The following MORC4 variants were observed in gnomAD, a reference collection of about 807,000 sequenced individuals.
The protein encoded by MORC4 is MORC family CW-type zinc finger 4.
In MORC4, 22 loss-of-function variants were observed where a neutral mutation model predicts 65.5. The observed-to-expected ratio is 0.34, with a 90% CI of 0.24 to 0.48. The LOEUF (loss-of-function observed/expected upper bound fraction) is 0.48, where lower values mean the gene tolerates loss of function less well. MORC4 is among the 20% of genes least tolerant of loss of function. The pLI, the probability that MORC4 is intolerant of heterozygous loss-of-function variation, is 0.99. For missense variants in MORC4, 624 were observed against 703.0 expected (o/e 0.89, Z 1.27); for synonymous variants, 267 against 255.8 (o/e 1.04, Z -0.42).
chrX:106,951,832 C>T (rs1198680424), intron 14 of MORC4, among the ~76,000 whole-genome samples: 2 of 108,500 alleles, frequency 1.8e-5, no homozygotes, highest in Non-Finnish European at 3.8e-5. Flanking sequence ...CCTGTCTCTA[C>T]TAAAAATACA....
intron 14 of MORC4, among the ~76,000 whole-genome samples, chrX:106,954,560 G>T (rs1455122879): frequency 8.9e-6 from 1 of 112,026 alleles, no homozygotes; most frequent in African/African-American, 3.2e-5. Flanking sequence ...CTGAAGAAAA[G>T]GAACAATGCT....
intron 10 of MORC4, among the ~76,000 whole-genome samples, chrX:106,961,620 C>T (rs1200425992): frequency 9.0e-6 from 1 of 111,402 alleles, no homozygotes; most frequent in African/African-American, 3.3e-5. Context: ...GTAAAACGCA[C>T]CTATCAGCAG....
At chrX:106,942,304 C>T in intron 15 of MORC4, 83 bp from the exon 16 acceptor site, 2 of 1,064,201 alleles carry the variant, frequency 1.9e-6, no homozygotes, top group South Asian at 2.2e-5. Context: ...CCTGTGATTC[C>T]ACTATACATA....
At chrX:106,995,182 C>T (rs746210082) in intron 2 of MORC4, among the ~76,000 whole-genome samples, 5 of 109,741 alleles carry the variant, frequency 4.6e-5, no homozygotes, top group African/African-American at 6.6e-5. Context: ...ACTACTATTC[C>T]ACTCTCTACT....
intron 14 of MORC4, among the ~76,000 whole-genome samples, chrX:106,946,823 G>C (rs1043889437): frequency 1.8e-5 from 2 of 111,374 alleles, no homozygotes; most frequent in South Asian, 3.8e-4. Context: ...TGTATTTTCT[G>C]TAGAGACAGG....
intron 9 of MORC4, among the ~76,000 whole-genome samples, chrX:106,967,922 C>A (rs1419458697): frequency 5.4e-5 from 6 of 111,774 alleles, no homozygotes; most frequent in Non-Finnish European, 9.4e-5. Context: ...ACTTCCCCAA[C>A]CTAGAAAGAC....
At chrX:106,989,797 G>A (rs1934942085) in intron 3 of MORC4, among the ~76,000 whole-genome samples, 2 of 105,757 alleles carry the variant, frequency 1.9e-5, no homozygotes, top group African/African-American at 6.9e-5. Flanking sequence ...AATCCGGGAG[G>A]CGGAGGTTGC....
intron 9 of MORC4, among the ~76,000 whole-genome samples, chrX:106,967,532 A>G (rs1252828292): frequency 1.8e-5 from 2 of 111,948 alleles, no homozygotes; most frequent in Non-Finnish European, 3.8e-5. Context: ...GCTAAAGGAA[A>G]TGTTCTGACC....
intron 9 of MORC4, among the ~76,000 whole-genome samples, chrX:106,967,713 A>T (rs1010402803): frequency 8.9e-6 from 1 of 112,109 alleles, no homozygotes; most frequent in African/African-American, 3.2e-5. Context: ...AAGAAAGGAA[A>T]TCAGTGATTG....
chrX:106,995,495 T>A (rs78385727), intron 2 of MORC4, among the ~76,000 whole-genome samples: 1 of 112,241 alleles, frequency 8.9e-6, no homozygotes, highest in Admixed American at 9.5e-5. Flanking sequence ...ACATTCCACA[T>A]AGTTTGCCTT....
chrX:106,959,543 T>C (rs1364334966), intron 10 of MORC4, among the ~76,000 whole-genome samples: 3 of 112,087 alleles, frequency 2.7e-5, no homozygotes, highest in African/African-American at 9.7e-5. Flanking sequence ...TTGTTGTTGT[T>C]GTTTTTTCCT....
At chrX:106,972,158 T>C (rs765736824) in intron 9 of MORC4, among the ~76,000 whole-genome samples, 2 of 111,884 alleles carry the variant, frequency 1.8e-5, no homozygotes, top group African/African-American at 6.5e-5. Flanking sequence ...TGAGTTCATG[T>C]CCTTTGCAGG....
chrX:106,952,975 T>G (rs988502361), intron 14 of MORC4, among the ~76,000 whole-genome samples: 2 of 112,294 alleles, frequency 1.8e-5, no homozygotes, highest in Non-Finnish European at 3.8e-5. Flanking sequence ...CATTTACTGA[T>G]CTTATGTAAC....
chrX:106,949,599 A>G (rs1227244391), intron 14 of MORC4, among the ~76,000 whole-genome samples: 3 of 112,237 alleles, frequency 2.7e-5, no homozygotes, highest in African/African-American at 9.7e-5. Context: ...TATGCAGTCC[A>G]TTTCCCCTGT....
chrX:106,974,538 T>A (rs1024446499), intron 9 of MORC4, among the ~76,000 whole-genome samples: 2 of 112,048 alleles, frequency 1.8e-5, no homozygotes, highest in African/African-American at 6.5e-5. Flanking sequence ...ATCTCCTATA[T>A]CAAGGCATTT....
intron 9 of MORC4, among the ~76,000 whole-genome samples, chrX:106,972,092 G>A (rs909169116): frequency 7.1e-5 from 8 of 112,249 alleles, no homozygotes; most frequent in Non-Finnish European, 1.5e-4. Flanking sequence ...TGATAGACTG[G>A]ATTAAGAAAA....
At chrX:106,998,822 GCCAC>G (rs1935123222) in intron 2 of MORC4, among the ~76,000 whole-genome samples, 1 of 112,429 alleles carries the variant, frequency 8.9e-6, no homozygotes, top group African/African-American at 3.2e-5. Context: ...TCATGGCATG[GCCAC>G]AGCGACTGCT....
intron 10 of MORC4, among the ~76,000 whole-genome samples, chrX:106,960,571 G>C (rs1934212991): frequency 9.0e-6 from 1 of 111,730 alleles, no homozygotes; most frequent in Admixed American, 9.5e-5. Flanking sequence ...ATATCTAACA[G>C]GTAGGGTTGT....
chrX:106,954,968 T>C lies in MORC4; in HGVS notation c.1630A>G (p.Arg544Gly), dbSNP rs1206372705. Residue 544 changes from arginine to glycine, a missense_variant, in exon 14 of 17, where the codon AGA (arginine) becomes GGA (glycine). Arg to Gly is a moderately radical substitution (Grantham distance 125, BLOSUM62 -2). Transcript: ENST00000355610. ...GGCTTAAGTTGAAGAGATGGTGATC[T>C]GCTTTCTTCTCCACCAGAAGGAAGC... The part of the protein sequence containing the change: ...SVLPSGGEES[R>G]SPSLQLKPLD... The C allele has an allele frequency of 5.0e-6, 6 of 1,208,281 alleles. No homozygotes were observed. The East Asian group carries it at 1.5e-4, about 30-fold the overall frequency.
Sources: allele counts gnomAD v4.1 joint callset (sites outside exome capture counted in the v4.1 genomes callset), GRCh38; gene constraint gnomAD v4.1.1; transcripts MANE v1.5; gene names NCBI Gene and HGNC (gene_info 2026-07-23, HGNC 2026-07-21).